Variants in TBC1D16 observed in about 807,000 individuals in gnomAD.
The protein encoded by TBC1D16 is TBC1 domain family member 16.
A neutral mutation model predicts 74.7 loss-of-function variants in TBC1D16; 58 were observed. The observed-to-expected ratio is 0.78, with a 90% confidence interval of 0.63 to 0.97. The LOEUF is 0.97. Among genes scored for constraint, TBC1D16 ranks in the 50% least tolerant of loss-of-function variants. The pLI is 0.00. For synonymous variants in TBC1D16, 493 were observed against 474.7 expected (o/e 1.04, Z -0.50); for missense variants, 1,014 against 1,079.5 (o/e 0.94, Z 0.85).
intron 1 of TBC1D16, among the ~76,000 whole-genome samples, chr17:80,014,857 T>A (rs1339836576): frequency 2.6e-5 from 4 of 151,986 alleles, no homozygotes; most frequent in Non-Finnish European, 4.4e-5. Context: ...CAGCACTGGG[T>A]CAGAGAACTT....
At chr17:80,031,333 C>T (rs1290450048) in intron 1 of TBC1D16, among the ~76,000 whole-genome samples, 1 of 152,212 alleles carries the variant, frequency 6.6e-6, no homozygotes, top group East Asian at 1.9e-4. Context: ...ATTCAGGATA[C>T]ACCCGGAAAG....
At position 80,010,802 on chromosome 17, in the gene TBC1D16, T is replaced by A; in HGVS notation, c.182-45A>T. Reference sequence around the variant, plus strand: ...TGGCACGTTAGAGGCCAGGAGGCTGTGGATGAGGCCCTTGTGGTACCTTTG... The same window carrying A: ...TGGCACGTTAGAGGCCAGGAGGCTGAGGATGAGGCCCTTGTGGTACCTTTG... On this transcript the variant is annotated intron_variant, in intron 2 of 11. Coordinates refer to ENST00000310924, the MANE Select transcript of TBC1D16 (RefSeq NM_019020.4). The surrounding 1 kb of genome is among the most constrained non-coding windows in gnomAD (Gnocchi z 8.8). 1 of 1,387,190 alleles carries A rather than the reference T, an allele frequency of 7.2e-7. No homozygotes were observed. Among genetic ancestry groups the A allele is most frequent in the Non-Finnish European group, 9.5e-7 (1 of 1,048,282 alleles). The allele number at this position is 1,387,190 out of a possible 1,614,324, so 85.9% of individuals were successfully genotyped here. A position where few individuals can be genotyped will look rare whatever the true frequency, so the allele number is the denominator to read the frequency against.
rs748883326 is a variant in TBC1D16 at position 79,986,647 on chromosome 17, G to A, written c.779+23513C>T. Among the ~76,000 whole-genome samples, 41 of 152,292 alleles carry A rather than the reference G, an allele frequency of 2.7e-4. No individual in the cohort carries two copies. Among genetic ancestry groups the A allele is most frequent in the Middle Eastern group, 3.4e-3 (1 of 294 alleles). ...AGAGTGACCAGTACCCGCAGCACCC[G>A]AGTTCTTTGCCTCTTATTAAAGGGC... On this transcript the variant is annotated intron_variant, in intron 3 of 11. Transcript: ENST00000310924. This position sits in a 1 kb window ranked among gnomAD's most constrained non-coding sequence, Gnocchi z 6.0.
intron 3 of TBC1D16, among the ~76,000 whole-genome samples, chr17:79,970,809 T>C (rs1261091010): frequency 7.0e-6 from 1 of 143,314 alleles, no homozygotes; most frequent in Non-Finnish European, 1.5e-5. Context: ...GCTAAGCACA[T>C]CAGAGAAAGC....
At chr17:79,965,246 A>G (rs1415240794) in intron 3 of TBC1D16, among the ~76,000 whole-genome samples, 3 of 151,780 alleles carry the variant, frequency 2.0e-5, no homozygotes, top group Non-Finnish European at 4.4e-5. Context: ...CGCCCGGCTA[A>G]TTTTTTTGAA....
chr17:80,009,249 C>T lies in TBC1D16; in HGVS notation c.779+911G>A, dbSNP rs1201224013. On this transcript the variant is annotated intron_variant, in intron 3 of 11. Coordinates refer to ENST00000310924, the MANE Select transcript of TBC1D16 (RefSeq NM_019020.4). This position sits in a 1 kb window ranked among gnomAD's most constrained non-coding sequence, Gnocchi z 5.4. ...GTCGGCTCTTACTGTTGTCTGTGGT[C>T]ACCACCATTATTTGCCCAGAAATCT... Among the ~76,000 whole-genome samples the T allele has an allele frequency of 6.6e-6, 1 of 152,254 alleles. No individual in the cohort carries two copies. Among genetic ancestry groups the T allele is most frequent in the Admixed American group, 6.5e-5 (1 of 15,288 alleles).
chr17:79,948,722 G>GT, intron 8 of TBC1D16, 150 bp downstream of exon 8: 12 of 1,078,026 alleles, frequency 1.1e-5, no homozygotes, highest in Non-Finnish European at 1.5e-5. Flanking sequence ...TAGCTCATGA[G>GT]TAGCGTATCC....
chr17:79,946,332 G>A (rs970389573), intron 9 of TBC1D16, among the ~76,000 whole-genome samples: 2 of 152,200 alleles, frequency 1.3e-5, no homozygotes, highest in African/African-American at 2.4e-5. Context: ...GGGTTCTCGC[G>A]TTCGAGCTTC....
At chr17:79,951,326 G>C in intron 5 of TBC1D16, 124 bp downstream of exon 5, 1 of 1,208,666 alleles carries the variant, frequency 8.3e-7, no homozygotes, top group South Asian at 1.5e-5. Flanking sequence ...AAACTACCGT[G>C]GGTCACACCC....
Position 79,990,906 on chromosome 17 carries a change from CGT to C in TBC1D16, c.779+19252_779+19253del, listed in dbSNP as rs1224088296. Among the ~76,000 whole-genome samples the C allele has an allele frequency of 6.6e-6, 1 of 152,202 alleles. No individual in the cohort carries two copies. The highest frequency in any genetic ancestry group is 1.9e-4 in the East Asian group (1 of 5,200). ...TCCTCAACTCATCCGTGTTGCGGCG[CGT>C]GTCAGAATTGCCTTCCCAAGGCTGA... On this transcript the variant is annotated intron_variant, in intron 3 of 11. Transcript: ENST00000310924. This position sits in a 1 kb window ranked among gnomAD's most constrained non-coding sequence, Gnocchi z 4.8.
intron 3 of TBC1D16, among the ~76,000 whole-genome samples, chr17:79,984,626 A>AAGGAAGGAAGGAAGGAAGGC (rs2034751113): frequency 2.0e-5 from 3 of 147,222 alleles, no homozygotes; most frequent in African/African-American, 7.5e-5. Context: ...GGAGTGAAGG[A>AAGGAAGGAAGGAAGGAAGGC]AGGAAGGAAG....
At position 79,981,103 on chromosome 17, in the gene TBC1D16, G is replaced by A. The variant is rs905292098; in HGVS notation, c.780-28285C>T. Among the ~76,000 whole-genome samples the A allele has an allele frequency of 1.3e-5, 2 of 152,216 alleles. No individual in the cohort carries two copies. The highest frequency in any genetic ancestry group is 2.9e-5 in the Non-Finnish European group (2 of 68,038). On this transcript the variant is annotated intron_variant, in intron 3 of 11. Transcript: ENST00000310924. This position sits in a 1 kb window ranked among gnomAD's most constrained non-coding sequence, Gnocchi z 6.9. ...ACTTGTCACAGCAAAGCTGAATTCT[G>A]TATCTAGCCCCTCGTGGCAGCAGTG...
intron 1 of TBC1D16, among the ~76,000 whole-genome samples, chr17:80,034,447 T>C (rs757270807): frequency 3.3e-5 from 5 of 152,040 alleles, no homozygotes; most frequent in African/African-American, 4.8e-5. Flanking sequence ...GGTGATCCGC[T>C]CGCCTCGTCC....
intron 3 of TBC1D16, among the ~76,000 whole-genome samples, chr17:79,996,736 C>T (rs553135924): frequency 6.6e-5 from 10 of 152,070 alleles, no homozygotes; most frequent in Non-Finnish European, 1.2e-4. Flanking sequence ...AGATAAAAAA[C>T]GTATTTTAAA....
intron 3 of TBC1D16, among the ~76,000 whole-genome samples, chr17:79,999,533 CTTTTTTTT>C (rs71163906): frequency 1.4e-4 from 11 of 76,476 alleles, no homozygotes; most frequent in East Asian, 7.2e-4. Context: ...CCCCAAATTT[CTTTTTTTT>C]TTTTTTTTTT....
At chr17:79,965,891 A>C (rs1195609736) in intron 3 of TBC1D16, among the ~76,000 whole-genome samples, 1 of 152,242 alleles carries the variant, frequency 6.6e-6, no homozygotes, top group Non-Finnish European at 1.5e-5. Context: ...ATGGGCACTG[A>C]GCCCGCCCCA....
At chr17:80,024,359 A>AAAACACACCATAGAC (rs2036412168) in intron 1 of TBC1D16, among the ~76,000 whole-genome samples, 1 of 142,626 alleles carries the variant, frequency 7.0e-6, no homozygotes, top group African/African-American at 2.7e-5. Flanking sequence ...TACCACACAC[A>AAAACACACCATAGAC]ACACACACCA....
rs1028282564 is a variant in TBC1D16, at chr17:79,993,883, C to A, written c.779+16277G>T. On this transcript the variant is annotated intron_variant, in intron 3 of 11. Coordinates refer to ENST00000310924, the MANE Select transcript of TBC1D16 (RefSeq NM_019020.4). This position sits in a 1 kb window ranked among gnomAD's most constrained non-coding sequence, Gnocchi z 5.1. ...CCTCGAGAGCACCAGGAGCCCCCAGCCCCCATGCAACCACCGGCCGGGGTT... is the reference window on the plus strand; with the variant it reads ...CCTCGAGAGCACCAGGAGCCCCCAGACCCCATGCAACCACCGGCCGGGGTT... 6.6e-6 allele frequency among the ~76,000 whole-genome samples: 1 copy of A among 152,012 alleles called. No homozygotes were observed. The highest frequency in any genetic ancestry group is 2.4e-5 in the African/African-American group (1 of 41,360).
intron 3 of TBC1D16, among the ~76,000 whole-genome samples, chr17:79,964,195 C>T (rs1380433145): frequency 1.3e-5 from 2 of 151,998 alleles, no homozygotes; most frequent in African/African-American, 4.8e-5. Context: ...AGGCTGATCT[C>T]GAACTCCTGA....
Sources: gnomAD v4.1 joint callset for allele counts (sites outside exome capture counted in the v4.1 genomes callset) on GRCh38, gnomAD v4.1.1 for gene constraint, Gnocchi (gnomAD v3.1) non-coding constraint, MANE v1.5 for transcripts, NCBI Gene and HGNC (gene_info 2026-07-23, HGNC 2026-07-21) for gene names.